The following FAM135B variants were observed in gnomAD, a reference collection of about 807,000 sequenced individuals.
FAM135B encodes the protein family with sequence similarity 135 member B, also known as protein FAM135B.
In FAM135B, 43 loss-of-function variants were observed where a neutral mutation model predicts 127.7. That is an observed-to-expected ratio of 0.34 (90% CI 0.26 to 0.43). The LOEUF is 0.43. FAM135B is among the 20% of genes least tolerant of loss of function. The pLI is 1.00. For missense variants in FAM135B, 1,558 were observed against 1,725.6 expected (o/e 0.90, Z 1.72); for synonymous variants, 670 against 665.1 (o/e 1.01, Z -0.11).
At chr8:138,445,544 G>A (rs1836090620) in intron 1 of FAM135B, among the ~76,000 whole-genome samples, 1 of 152,174 alleles carries the variant, frequency 6.6e-6, no homozygotes, top group South Asian at 2.1e-4. Context: ...CAGAACCAAA[G>A]ACAAAAGCCA....
At chr8:138,320,903 A>C (rs1827408071) in intron 2 of FAM135B, among the ~76,000 whole-genome samples, 1 of 152,238 alleles carries the variant, frequency 6.6e-6, no homozygotes. Flanking sequence ...ATGAGGAGTA[A>C]TATTCTATAA....
chr8:138,463,921 G>T (rs890707475), intron 1 of FAM135B, among the ~76,000 whole-genome samples: 1 of 152,126 alleles, frequency 6.6e-6, no homozygotes, highest in Non-Finnish European at 1.5e-5. Flanking sequence ...CATGTATAGG[G>T]CACTTAAAAT....
chr8:138,353,837 A>G (rs1209826068), intron 2 of FAM135B, among the ~76,000 whole-genome samples: 2 of 152,144 alleles, frequency 1.3e-5, no homozygotes, highest in Non-Finnish European at 2.9e-5. Context: ...AATTACGGTT[A>G]TGAGCTGATG....
At chr8:138,183,684 T>C (rs561677312) in intron 9 of FAM135B, among the ~76,000 whole-genome samples, 1 of 152,308 alleles carries the variant, frequency 6.6e-6, no homozygotes, top group African/African-American at 2.4e-5. Context: ...TAGCAATAGT[T>C]CTGCAAGTGC....
intron 9 of FAM135B, among the ~76,000 whole-genome samples, chr8:138,190,290 G>A (rs1005619364): frequency 6.6e-6 from 1 of 152,144 alleles, no homozygotes; most frequent in South Asian, 2.1e-4. Context: ...CTTGGTCAGG[G>A]GCATTCAGAT....
intron 1 of FAM135B, among the ~76,000 whole-genome samples, chr8:138,418,331 C>T (rs13277324): frequency 0.068 from 10,317 of 152,082 alleles, 805 homozygotes; most frequent in East Asian, 0.26. Context: ...TCATTGGCAT[C>T]GCAGAAAGAG....
intron 1 of FAM135B, among the ~76,000 whole-genome samples, chr8:138,462,377 G>A (rs1837175968): frequency 6.6e-6 from 1 of 152,100 alleles, no homozygotes; most frequent in South Asian, 2.1e-4. Context: ...TTCTTTCAAG[G>A]ATTCATGAGG....
intron 1 of FAM135B, among the ~76,000 whole-genome samples, chr8:138,392,530 C>G (rs1302477283): frequency 1.3e-5 from 2 of 152,152 alleles, no homozygotes; most frequent in African/African-American, 4.8e-5. Flanking sequence ...CACCTCTCCC[C>G]ACCCCCTCAC....
intron 1 of FAM135B, among the ~76,000 whole-genome samples, chr8:138,480,634 G>A (rs1320760198): frequency 4.6e-5 from 7 of 152,154 alleles, no homozygotes; most frequent in Non-Finnish European, 1.0e-4. Context: ...AAATTCAAAG[G>A]AAAGAGAAAA....
chr8:138,321,942 C>T (rs990212853), intron 2 of FAM135B, among the ~76,000 whole-genome samples: 7 of 152,126 alleles, frequency 4.6e-5, no homozygotes, highest in African/African-American at 1.7e-4. Context: ...CATGCTGTGA[C>T]TGCCAGCAAA....
chr8:138,440,892 G>C (rs1331669439), intron 1 of FAM135B: 3 of 152,212 alleles, frequency 2.0e-5, no homozygotes, highest in African/African-American at 7.2e-5. Context: ...AAGTGAAACT[G>C]TGTGAGTTCC....
At chr8:138,372,518 G>A (rs552958819) in intron 1 of FAM135B, among the ~76,000 whole-genome samples, 80 of 152,174 alleles carry the variant, frequency 5.3e-4, no homozygotes, top group African/African-American at 1.8e-3. Flanking sequence ...CAGACGCCTG[G>A]GTCTCAATGG....
chr8:138,354,092 CCTT>C (rs1829939710), intron 2 of FAM135B, among the ~76,000 whole-genome samples: 1 of 151,980 alleles, frequency 6.6e-6, no homozygotes, highest in Non-Finnish European at 1.5e-5. Context: ...TTCTGAGCTA[CCTT>C]CACCTCTTTA....
intron 2 of FAM135B, among the ~76,000 whole-genome samples, chr8:138,334,862 A>G (rs1217962840): frequency 3.9e-5 from 6 of 152,166 alleles, no homozygotes; most frequent in East Asian, 1.9e-4. Context: ...ATACGCATAC[A>G]TGTGTCTTTA....
At chr8:138,147,267 G>A (rs1478794269) in intron 14 of FAM135B, among the ~76,000 whole-genome samples, 1 of 140,188 alleles carries the variant, frequency 7.1e-6, no homozygotes, top group Non-Finnish European at 1.6e-5. Flanking sequence ...TGATATGCCA[G>A]GGCCTGCCTT....
In FAM135B at chr8:138,152,348, A is replaced by T. The variant is rs1818245659; in HGVS notation, c.2127T>A (p.Ser709Arg). ...CAAACGGGTGCAAGACTTCCCGATCACTGGGCAACTCCAGAGCCCTGCTTC... is the reference window on the plus strand; with the variant it reads ...CAAACGGGTGCAAGACTTCCCGATCTCTGGGCAACTCCAGAGCCCTGCTTC... Reference protein sequence around the residue: ...EARSRALELPSDREVLHPFVR... With the variant: ...EARSRALELPRDREVLHPFVR... The change falls in exon 13 of 20, where the codon AGT becomes AGA. Residue 709 changes from serine (S) to arginine (R), a missense_variant. Ser to Arg is a moderately radical substitution (Grantham distance 110). Around this residue, in one of 5 missense-constraint regions of FAM135B, gnomAD observed 923 missense variants for 865.3 expected, o/e 1.07. Transcript: ENST00000395297. 1 of 1,614,040 alleles carries T rather than the reference A, an allele frequency of 6.2e-7. No homozygotes were observed.
At chr8:138,137,013 G>C (rs1235887294) in intron 19 of FAM135B, 134 bp downstream of exon 19, 5 of 632,734 alleles carry the variant, frequency 7.9e-6, no homozygotes, top group African/African-American at 1.8e-5. Flanking sequence ...AGCTATGTTT[G>C]TCCTATCACT....
At chr8:138,187,503 G>T (rs1425708608) in intron 9 of FAM135B, among the ~76,000 whole-genome samples, 1 of 152,182 alleles carries the variant, frequency 6.6e-6, no homozygotes, top group Non-Finnish European at 1.5e-5. Context: ...TGGTTTGCCA[G>T]AATCTAAGCC....
chr8:138,153,528 C>T (rs1182453461), intron 12 of FAM135B, among the ~76,000 whole-genome samples: 1 of 152,194 alleles, frequency 6.6e-6, no homozygotes, highest in Non-Finnish European at 1.5e-5. Flanking sequence ...AGGGCATTCC[C>T]TTTCCTAGCC....
Sources: gnomAD v4.1 joint callset for allele counts (sites outside exome capture counted in the v4.1 genomes callset) on GRCh38, gnomAD v4.1.1 for gene constraint, gnomAD v4.1.1 regional missense constraint, MANE v1.5 for transcripts, NCBI Gene and HGNC (gene_info 2026-07-23, HGNC 2026-07-21) for gene names.